Variants in LRRC7 observed in about 807,000 individuals in gnomAD.
LRRC7 encodes the protein leucine rich repeat containing 7.
A neutral mutation model predicts 175.7 loss-of-function variants in LRRC7; 23 were observed. The ratio of observed to expected loss-of-function variants is 0.13; its 90% CI spans 0.09 to 0.19. The LOEUF is 0.19. Among genes scored for constraint, LRRC7 ranks in the 10% least tolerant of loss-of-function variants. The pLI is 1.00. For missense variants in LRRC7, 1,354 were observed against 1,904.7 expected (o/e 0.71, Z 5.38); for synonymous variants, 685 against 680.9 (o/e 1.01, Z -0.09).
chr1:70,139,490 T>C lies in LRRC7; in HGVS notation c.*17603T>C, dbSNP rs1666987456. The C allele has an allele frequency of 1.3e-5, 2 of 152,240 alleles. No homozygotes were observed. The allele number at this position is 152,240 out of a possible 1,614,324, so 9.4% of individuals were successfully genotyped here. A position where few individuals can be genotyped will look rare whatever the true frequency, so the allele number is the denominator to read the frequency against. On this transcript the variant is annotated 3_prime_UTR_variant, in exon 27 of 27. Coordinates refer to ENST00000651989, the MANE Select transcript of LRRC7 (RefSeq NM_001370785.2). ...CTAAAGACAACTATGCTATAATGGC[T>C]TGTCTCCTACTTCCTGGCCTCTAGC...
At chr1:69,835,933 AT>A (rs1428903160) in intron 6 of LRRC7, among the ~76,000 whole-genome samples, 3 of 151,870 alleles carry the variant, frequency 2.0e-5, no homozygotes, top group Non-Finnish European at 4.4e-5. Context: ...ATTATGAATA[AT>A]TTTTCTTGTC....
intron 7 of LRRC7, among the ~76,000 whole-genome samples, chr1:69,848,357 G>A (rs565473665): frequency 3.9e-5 from 6 of 152,110 alleles, no homozygotes; most frequent in Admixed American, 2.6e-4. Flanking sequence ...CACAGTCTCC[G>A]CAGCAGTGGA....
intron 1 of LRRC7, among the ~76,000 whole-genome samples, chr1:69,601,663 A>G (rs1209456853): frequency 6.6e-6 from 1 of 152,194 alleles, no homozygotes; most frequent in Non-Finnish European, 1.5e-5. Context: ...TTTGTTAATG[A>G]TAAATATGTT....
chr1:69,982,511 T>G (rs1030751613), intron 9 of LRRC7, among the ~76,000 whole-genome samples: 2 of 152,214 alleles, frequency 1.3e-5, no homozygotes, highest in Admixed American at 1.3e-4. Context: ...AGCACATTCA[T>G]TTTTTTCTTA....
intron 7 of LRRC7, among the ~76,000 whole-genome samples, chr1:69,872,799 T>C: frequency 6.6e-6 from 1 of 152,168 alleles, no homozygotes; most frequent in East Asian, 1.9e-4. Flanking sequence ...TCTTTTAATG[T>C]AATAAAATGT....
intron 1 of LRRC7, among the ~76,000 whole-genome samples, chr1:69,579,870 G>A (rs1646123207): frequency 6.8e-6 from 1 of 146,948 alleles, no homozygotes; most frequent in Admixed American, 6.9e-5. Flanking sequence ...CTGGGCTGAA[G>A]CAGTCCTCCT....
intron 1 of LRRC7, among the ~76,000 whole-genome samples, chr1:69,602,673 G>A (rs1647126423): frequency 6.6e-6 from 1 of 152,064 alleles, no homozygotes; most frequent in African/African-American, 2.4e-5. Flanking sequence ...TATGATGTTA[G>A]CAGGTTGAAG....
At chr1:69,906,265 T>G (rs1646307514) in intron 7 of LRRC7, among the ~76,000 whole-genome samples, 1 of 152,184 alleles carries the variant, frequency 6.6e-6, no homozygotes, top group African/African-American at 2.4e-5. Context: ...TTAGTTTAAT[T>G]AGATCCCATT....
Position 70,039,535 on chromosome 1 carries a change from A to G in LRRC7, c.3711A>G (p.Pro1237=), listed in dbSNP as rs746766638. 2 of 1,614,122 alleles carry G rather than the reference A, an allele frequency of 1.2e-6. No individual in the cohort carries two copies. The highest frequency in any genetic ancestry group is 1.3e-5 in the African/African-American group (1 of 75,056). The change falls in exon 21 of 27, where the codon CCA becomes CCG. Residue 1237 remains proline (P), a synonymous_variant. Transcript: ENST00000651989. ...FPVKNLTQRR[P]LSARSYSTES... is the part of the protein sequence containing the mutation. The stretch of plus-strand genomic sequence containing the variant: ...TTAAAAACCTTACCCAAAGGAGGCC[A>G]TTGTCTGCGAGAAGCTACAGTACAG...
At chr1:69,946,104 G>A (rs1472843187) in intron 8 of LRRC7, among the ~76,000 whole-genome samples, 2 of 152,152 alleles carry the variant, frequency 1.3e-5, no homozygotes, top group African/African-American at 2.4e-5. Flanking sequence ...GATGTTAGCT[G>A]TGGGCTTGTC....
chr1:69,659,910 G>T (rs1349779193), intron 1 of LRRC7, among the ~76,000 whole-genome samples: 2 of 151,282 alleles, frequency 1.3e-5, no homozygotes, highest in Non-Finnish European at 3.0e-5. Flanking sequence ...GAGAAGAAAA[G>T]CAAAATGCAA....
intron 7 of LRRC7, among the ~76,000 whole-genome samples, chr1:69,864,276 C>A (rs1684675337): frequency 6.6e-6 from 1 of 152,120 alleles, no homozygotes; most frequent in East Asian, 1.9e-4. Flanking sequence ...ATATGAATGT[C>A]TTTTATATTT....
intron 1 of LRRC7, among the ~76,000 whole-genome samples, chr1:69,586,013 C>A (rs947105430): frequency 6.6e-6 from 1 of 152,094 alleles, no homozygotes; most frequent in African/African-American, 2.4e-5. Flanking sequence ...TTCTGTAAAT[C>A]TGTAAAGAAT....
chr1:70,136,557 C>T lies in LRRC7; in HGVS notation c.*14670C>T, dbSNP rs1309678696. Among the ~76,000 whole-genome samples the T allele has an allele frequency of 1.3e-5, 2 of 151,954 alleles. No homozygotes were observed. Among genetic ancestry groups the T allele is most frequent in the African/African-American group, 4.8e-5 (2 of 41,360 alleles). The stretch of plus-strand genomic sequence containing the variant: ...ATGGAAGATATAAATAAGCCATGGT[C>T]CTACCCCTCAAGAAACACAGTCTAG... On this transcript the variant is annotated 3_prime_UTR_variant, in exon 27 of 27. Transcript: ENST00000651989.
At chr1:70,076,469 A>G (rs1662786639) in intron 24 of LRRC7, among the ~76,000 whole-genome samples, 171 bp downstream of exon 24, 1 of 152,180 alleles carries the variant, frequency 6.6e-6, no homozygotes, top group African/African-American at 2.4e-5. Flanking sequence ...GTTAAGGACT[A>G]CAACATATAG....
intron 1 of LRRC7, among the ~76,000 whole-genome samples, chr1:69,657,705 G>A (rs1656857884): frequency 6.6e-6 from 1 of 151,854 alleles, no homozygotes; most frequent in African/African-American, 2.4e-5. Context: ...ATTAACAAAA[G>A]GAGACTTGAG....
At chr1:69,684,748 G>GA (rs1403753345) in intron 2 of LRRC7, among the ~76,000 whole-genome samples, 4 of 151,180 alleles carry the variant, frequency 2.6e-5, no homozygotes, top group African/African-American at 7.3e-5. Context: ...AGAAAAGAAG[G>GA]AAAAAAAAAG....
At chr1:69,716,996 T>C (rs1436432286) in intron 2 of LRRC7, among the ~76,000 whole-genome samples, 1 of 151,702 alleles carries the variant, frequency 6.6e-6, no homozygotes, top group African/African-American at 2.4e-5. Flanking sequence ...ACATAAATAT[T>C]TCATTGGTAT....
At chr1:69,569,621 T>G (rs1168915426) in intron 1 of LRRC7, among the ~76,000 whole-genome samples, 2 of 152,006 alleles carry the variant, frequency 1.3e-5, no homozygotes, top group African/African-American at 4.8e-5. Context: ...GATTGCCTTT[T>G]AAAATAGTGT....
Sources: gnomAD v4.1 joint callset for allele counts (sites outside exome capture counted in the v4.1 genomes callset) on GRCh38, gnomAD v4.1.1 for gene constraint, MANE v1.5 for transcripts, NCBI Gene and HGNC (gene_info 2026-07-23, HGNC 2026-07-21) for gene names.